ROBO1: variants seen among roughly 807,000 people sequenced by gnomAD.
The protein encoded by ROBO1 is roundabout guidance receptor 1, also known as roundabout homolog 1.
In ROBO1, 149 loss-of-function variants were observed where a neutral mutation model predicts 195.9. That is an observed-to-expected ratio of 0.76 (90% CI 0.67 to 0.87). The LOEUF (loss-of-function observed/expected upper bound fraction) is 0.87, where lower values mean the gene tolerates loss of function less well. Among genes scored for constraint, ROBO1 ranks in the 40% least tolerant of loss-of-function variants. ROBO1 has a pLI of 0.00. For missense variants in ROBO1, 1,933 were observed against 2,068.3 expected (o/e 0.93, Z 1.27); for synonymous variants, 816 against 733.2 (o/e 1.11, Z -1.82).
chr3:79,062,276 T>G (rs927369095), intron 3 of ROBO1, among the ~76,000 whole-genome samples: 1 of 152,036 alleles, frequency 6.6e-6, no homozygotes, highest in Non-Finnish European at 1.5e-5. Context: ...ATTAGAGAAA[T>G]GCAAATCAAA....
intron 3 of ROBO1, among the ~76,000 whole-genome samples, chr3:79,007,490 A>G (rs2077654158): frequency 6.6e-6 from 1 of 152,186 alleles, no homozygotes; most frequent in Non-Finnish European, 1.5e-5. Flanking sequence ...GCATTATATC[A>G]AAGTCTATTT....
chr3:78,943,876 T>C (rs963247091), intron 3 of ROBO1, among the ~76,000 whole-genome samples: 3 of 152,240 alleles, frequency 2.0e-5, no homozygotes, highest in Non-Finnish European at 4.4e-5. Flanking sequence ...TCATAATGTA[T>C]AACCTTCAGG....
At chr3:79,691,511 A>T (rs1327662072) in intron 1 of ROBO1, among the ~76,000 whole-genome samples, 2 of 151,624 alleles carry the variant, frequency 1.3e-5, no homozygotes, top group Non-Finnish European at 2.9e-5. Context: ...CAAGCATTGA[A>T]CAATGCATTA....
At chr3:79,740,092 T>C (rs1490643030) in intron 1 of ROBO1, among the ~76,000 whole-genome samples, 1 of 149,880 alleles carries the variant, frequency 6.7e-6, no homozygotes, top group African/African-American at 2.5e-5. Flanking sequence ...AAAATAATAA[T>C]TTACATTTAA....
intron 1 of ROBO1, among the ~76,000 whole-genome samples, chr3:79,718,125 C>T (rs1249437559): frequency 5.3e-5 from 8 of 151,932 alleles, no homozygotes; most frequent in Non-Finnish European, 1.2e-4. Context: ...GAGCTGCTTA[C>T]AAATATCTGC....
chr3:79,068,703 AT>A (rs1175200519), intron 3 of ROBO1, among the ~76,000 whole-genome samples: 1 of 151,750 alleles, frequency 6.6e-6, no homozygotes, highest in Non-Finnish European at 1.5e-5. Flanking sequence ...TCTCAAATTC[AT>A]TGCTAAACTT....
At chr3:79,233,323 T>C (rs955592404) in intron 2 of ROBO1, among the ~76,000 whole-genome samples, 1 of 152,016 alleles carries the variant, frequency 6.6e-6, no homozygotes, top group African/African-American at 2.4e-5. Flanking sequence ...GACAAAGGAA[T>C]TGTAGACAAG....
chr3:79,606,745 A>ACCT (rs1553772764), intron 1 of ROBO1, among the ~76,000 whole-genome samples: 15 of 151,766 alleles, frequency 9.9e-5, no homozygotes, highest in South Asian at 2.1e-4. Flanking sequence ...GGCCACTTAG[A>ACCT]CCACCTGTGT....
intron 3 of ROBO1, among the ~76,000 whole-genome samples, chr3:79,031,959 C>G (rs536184401): frequency 6.6e-4 from 100 of 152,082 alleles, no homozygotes; most frequent in African/African-American, 2.3e-3. Context: ...ATTTTTAAAA[C>G]CCAATACTCT....
rs550833667 is a variant in ROBO1, at chr3:79,394,540, A to AT, written c.88+195283dup. ...CATATATACAGATATAGATATAAATATAGATACATGTATTCTTTCACATCA... is the reference window on the plus strand; with the variant it reads ...CATATATACAGATATAGATATAAATATTAGATACATGTATTCTTTCACATCA... On this transcript the variant is annotated intron_variant, in intron 2 of 30. Transcript: ENST00000464233. Among the ~76,000 whole-genome samples, 286 of 152,118 alleles carry AT rather than the reference A, an allele frequency of 1.9e-3. 2 individuals carry two copies. Among genetic ancestry groups the AT allele is most frequent in the African/African-American group, 5.7e-3 (238 of 41,536 alleles).
At chr3:79,640,437 A>T (rs1428150565) in intron 1 of ROBO1, among the ~76,000 whole-genome samples, 2 of 152,022 alleles carry the variant, frequency 1.3e-5, no homozygotes, top group East Asian at 1.9e-4. Context: ...TTCTTTGTAA[A>T]TTACCCAGTG....
At chr3:79,091,163 G>GA (rs1012412491) in intron 3 of ROBO1, among the ~76,000 whole-genome samples, 17 of 151,878 alleles carry the variant, frequency 1.1e-4, no homozygotes, top group Admixed American at 5.3e-4. Flanking sequence ...ATTTTGCTGG[G>GA]AAAAAATGCA....
chr3:79,142,152 T>G (rs1310582303), intron 2 of ROBO1, among the ~76,000 whole-genome samples: 1 of 152,196 alleles, frequency 6.6e-6, no homozygotes, highest in Non-Finnish European at 1.5e-5. Context: ...TTTGTGTGCA[T>G]GCAGAAGGAG....
At chr3:79,760,356 A>G (rs1327062797) in intron 1 of ROBO1, among the ~76,000 whole-genome samples, 1 of 150,656 alleles carries the variant, frequency 6.6e-6, no homozygotes, top group Non-Finnish European at 1.5e-5. Flanking sequence ...CAAGATGGAA[A>G]AAGGAAAAAT....
At chr3:78,823,874 CTG>C (rs374708762) in intron 4 of ROBO1, among the ~76,000 whole-genome samples, 22 of 150,260 alleles carry the variant, frequency 1.5e-4, no homozygotes, top group African/African-American at 2.2e-4. Context: ...AATTTTGTCA[CTG>C]TGTGTGTGTG....
chr3:78,794,092 A>G (rs1363941630), intron 4 of ROBO1, among the ~76,000 whole-genome samples: 1 of 152,224 alleles, frequency 6.6e-6, no homozygotes, highest in Admixed American at 6.5e-5. Flanking sequence ...ACAAAAACAC[A>G]GCAAATAAAA....
At chr3:79,512,125 G>C (rs1359427327) in intron 2 of ROBO1, among the ~76,000 whole-genome samples, 1 of 151,930 alleles carries the variant, frequency 6.6e-6, no homozygotes, top group Non-Finnish European at 1.5e-5. Context: ...ACATCGTCTG[G>C]TGCAACCCAC....
chr3:78,920,491 G>C (rs2038873728), intron 4 of ROBO1, among the ~76,000 whole-genome samples: 1 of 151,754 alleles, frequency 6.6e-6, no homozygotes, highest in African/African-American at 2.4e-5. Context: ...ATTTTTAGTA[G>C]AGACGGGATT....
chr3:79,363,367 G>T (rs1376938596), intron 2 of ROBO1, among the ~76,000 whole-genome samples: 1 of 152,112 alleles, frequency 6.6e-6, no homozygotes, highest in Non-Finnish European at 1.5e-5. Context: ...AAGAAAGAAA[G>T]AAATGGATGG....
Sources: gnomAD v4.1 joint callset for allele counts (sites outside exome capture counted in the v4.1 genomes callset) on GRCh38, gnomAD v4.1.1 for gene constraint, MANE v1.5 for transcripts, NCBI Gene and HGNC (gene_info 2026-07-23, HGNC 2026-07-21) for gene names.